The following RAB8B variants were observed in gnomAD, a reference collection of about 807,000 sequenced individuals.
The protein encoded by RAB8B is ras-related protein Rab-8B.
RAB8B carries 11 observed loss-of-function variants against 32.0 expected under a neutral mutation model. That is an observed-to-expected ratio of 0.34 (90% CI 0.22 to 0.57). The LOEUF (loss-of-function observed/expected upper bound fraction) is 0.57. Ranked by LOEUF, RAB8B falls within the 20% of genes least tolerant of loss-of-function variation. RAB8B has a pLI of 0.86. For synonymous variants in RAB8B, 103 were observed against 89.6 expected (o/e 1.15, Z -0.85); for missense variants, 190 against 258.5 (o/e 0.73, Z 1.82).
rs922861334 is a variant in RAB8B at position 63,248,198 on chromosome 15, C to G, written c.186-1447C>G. Among the ~76,000 whole-genome samples the G allele has an allele frequency of 1.3e-5, 2 of 152,136 alleles. No homozygotes were observed. The highest frequency in any genetic ancestry group is 3.9e-4 in the East Asian group (2 of 5,190). On this transcript the variant is annotated intron_variant, in intron 2 of 7. Transcript: ENST00000321437. This position sits in a 1 kb window ranked among gnomAD's most constrained non-coding sequence, Gnocchi z 4.4. ...TGGCCCAGAGCTGAACAGCTGAGAC[C>G]TAAGATGCTTGTCTCCTTCAAGAGT...
chr15:63,212,281 A>G (rs1220150113), intron 1 of RAB8B, among the ~76,000 whole-genome samples: 3 of 152,228 alleles, frequency 2.0e-5, no homozygotes, highest in East Asian at 3.9e-4. Flanking sequence ...TTGTTCTTGG[A>G]TAGGTCACCA....
Position 63,247,147 on chromosome 15 carries a change from C to T in RAB8B, c.185+2331C>T, listed in dbSNP as rs2038078707. ...TGCTTCCTGGTTTGTAGACAGCTGT[C>T]TCACTTGTATCCTCACATGGCCCAG... On this transcript the variant is annotated intron_variant, in intron 2 of 7. Coordinates refer to ENST00000321437, the MANE Select transcript of RAB8B (RefSeq NM_016530.3). Among the ~76,000 whole-genome samples the T allele has an allele frequency of 4.6e-5, 7 of 152,314 alleles. 1 individual carries two copies. In the South Asian group the frequency reaches 1.5e-3, roughly 32 times the overall value.
At chr15:63,253,839 G>T (rs2038137524) in intron 3 of RAB8B, among the ~76,000 whole-genome samples, 1 of 152,140 alleles carries the variant, frequency 6.6e-6, no homozygotes, top group South Asian at 2.1e-4. Flanking sequence ...CTATAGAGAA[G>T]ATAACTCCCA....
At chr15:63,242,265 G>A (rs924821875) in intron 1 of RAB8B, among the ~76,000 whole-genome samples, 1 of 151,768 alleles carries the variant, frequency 6.6e-6, no homozygotes, top group Non-Finnish European at 1.5e-5. Context: ...GAGGAAATTC[G>A]GTTGGTTTAT....
intron 1 of RAB8B, among the ~76,000 whole-genome samples, chr15:63,206,065 A>G (rs925150954): frequency 6.6e-6 from 1 of 152,188 alleles, no homozygotes; most frequent in Non-Finnish European, 1.5e-5. Context: ...AACACCATGT[A>G]TTTCCTTCTG....
intron 3 of RAB8B, chr15:63,251,366 A>G: frequency 2.2e-6 from 1 of 454,636 alleles, no homozygotes; most frequent in South Asian, 1.6e-5. Flanking sequence ...GAGGCATCTT[A>G]GACACACATG....
intron 1 of RAB8B, among the ~76,000 whole-genome samples, chr15:63,205,354 G>A (rs58789072): frequency 0.38 from 57,859 of 151,856 alleles, 12,428 homozygotes; most frequent in Non-Finnish European, 0.5. Context: ...TTAAAAATTA[G>A]CCAGGTGTGA....
rs554858385 is a variant in RAB8B, at chr15:63,196,048, C to T, written c.124+6300C>T. 1.2e-4 allele frequency among the ~76,000 whole-genome samples: 18 copies of T among 152,282 alleles called. No individual in the cohort carries two copies. In the South Asian group the frequency reaches 3.3e-3, roughly 28 times the overall value. On this transcript the variant is annotated intron_variant, in intron 1 of 7. Transcript: ENST00000321437. ...ATTGTATGTATTCCCTCTCTTAGGG[C>T]GTGGCTGCTTTTTATTTGCAGCTTT...
In RAB8B at chr15:63,253,347, T is replaced by C. The variant is rs142608771; in HGVS notation, c.247-2160T>C. ...ATGTGTGTTTTATATGATTTATATT[T>C]ATTTATATTTTATGTTTACTTACAA... On this transcript the variant is annotated intron_variant, in intron 3 of 7. Transcript: ENST00000321437. Among the ~76,000 whole-genome samples, 361 of 152,334 alleles carry C rather than the reference T, an allele frequency of 2.4e-3. 3 individuals carry two copies. Among genetic ancestry groups the C allele is most frequent in the African/African-American group, 8.4e-3 (351 of 41,574 alleles).
Position 63,259,665 on chromosome 15 carries a change from C to A in RAB8B, c.453C>A (p.Ser151Arg). ...IDYGIKFLETSAKSSANVEEA... is the reference protein window; with the variant it reads ...IDYGIKFLETRAKSSANVEEA... ...ATGGGATTAAATTCTTGGAGACAAG[C>A]GCAAAATCCAGTGCAAATGTAGAAG... is the stretch of plus-strand genomic sequence containing the variant. The change falls in exon 6 of 8, where the codon AGC becomes AGA. Residue 151 changes from serine to arginine, a missense_variant. By Grantham distance (110) the Ser-to-Arg change is moderately radical. Around this residue, in one of 2 missense-constraint regions of RAB8B, gnomAD observed 110 missense variants for 115.9 expected, o/e 0.95. Transcript: ENST00000321437. This position sits in a 1 kb window ranked among gnomAD's most constrained non-coding sequence, Gnocchi z 4.4. The A allele has an allele frequency of 6.2e-7, 1 of 1,613,926 alleles. No homozygotes were observed. The highest frequency in any genetic ancestry group is 8.5e-7 in the Non-Finnish European group (1 of 1,179,838).
chr15:63,200,768 G>T (rs2037641104), intron 1 of RAB8B, among the ~76,000 whole-genome samples: 2 of 152,200 alleles, frequency 1.3e-5, no homozygotes, highest in Non-Finnish European at 2.9e-5. Context: ...GAGGCATCGG[G>T]GTTGCCCAAG....
At chr15:63,221,264 TG>T (rs1391315935) in intron 1 of RAB8B, among the ~76,000 whole-genome samples, 12 of 152,296 alleles carry the variant, frequency 7.9e-5, no homozygotes, top group African/African-American at 2.2e-4. Flanking sequence ...TATTTTAAGA[TG>T]GGTAATTGTA....
chr15:63,219,092 A>G (rs1168038646), intron 1 of RAB8B, among the ~76,000 whole-genome samples: 2 of 141,338 alleles, frequency 1.4e-5, no homozygotes, highest in Non-Finnish European at 3.0e-5. Context: ...CGAGGTCAGA[A>G]GGTCGAGGCC....
intron 3 of RAB8B, among the ~76,000 whole-genome samples, chr15:63,254,146 T>C (rs1393505229): frequency 6.6e-6 from 1 of 152,178 alleles, no homozygotes; most frequent in African/African-American, 2.4e-5. Context: ...AGATTTACAA[T>C]GTTTCTGCTA....
rs190971995 is a variant in RAB8B, at chr15:63,195,232, G to A, written c.124+5484G>A. On this transcript the variant is annotated intron_variant, in intron 1 of 7. Transcript: ENST00000321437. Reference sequence around the variant, plus strand: ...CAGTAGATTTCCCATCTAAGCAATAGCATTGATAACGACTCTGGTTCAGAA... The same window carrying A: ...CAGTAGATTTCCCATCTAAGCAATAACATTGATAACGACTCTGGTTCAGAA... 3.4e-4 allele frequency among the ~76,000 whole-genome samples: 52 copies of A among 152,262 alleles called. 1 individual carries two copies. The highest frequency in any genetic ancestry group is 9.2e-4 in the Admixed American group (14 of 15,288).
At chr15:63,208,062 A>G (rs574298175) in intron 1 of RAB8B, among the ~76,000 whole-genome samples, 18 of 152,324 alleles carry the variant, frequency 1.2e-4, no homozygotes, top group Admixed American at 1.3e-4. Context: ...GTTTTAGAGC[A>G]TAGCTCTGAT....
intron 2 of RAB8B, among the ~76,000 whole-genome samples, chr15:63,245,394 A>T (rs1033735027): frequency 6.6e-6 from 1 of 152,242 alleles, no homozygotes; most frequent in Non-Finnish European, 1.5e-5. Flanking sequence ...CATAGTTCAG[A>T]CTGCTCTAAG....
intron 1 of RAB8B, among the ~76,000 whole-genome samples, chr15:63,243,334 A>G (rs2038047242): frequency 6.6e-6 from 1 of 152,250 alleles, no homozygotes; most frequent in Admixed American, 6.5e-5. Flanking sequence ...AAAGAATAGA[A>G]AAATCTAAAC....
At chr15:63,207,843 C>T (rs1172870006) in intron 1 of RAB8B, among the ~76,000 whole-genome samples, 1 of 152,150 alleles carries the variant, frequency 6.6e-6, no homozygotes. Flanking sequence ...GGATTACAGG[C>T]GTGAGCCACC....
Sources: gnomAD v4.1 joint callset for allele counts (sites outside exome capture counted in the v4.1 genomes callset) on GRCh38, gnomAD v4.1.1 for gene constraint, gnomAD v4.1.1 regional missense constraint, Gnocchi (gnomAD v3.1) non-coding constraint, MANE v1.5 for transcripts, NCBI Gene and HGNC (gene_info 2026-07-23, HGNC 2026-07-21) for gene names.